SLC26A11: variants seen among roughly 807,000 people sequenced by gnomAD.
SLC26A11 encodes the protein solute carrier family 26 member 11, also known as sodium-independent sulfate anion transporter.
In SLC26A11, 58 loss-of-function variants were observed where a neutral mutation model predicts 62.2. That is an observed-to-expected ratio of 0.93 (90% CI 0.76 to 1.16). The LOEUF is 1.16. SLC26A11 is among the 50% of genes most tolerant of loss of function. SLC26A11 has a pLI of 0.00. For missense variants in SLC26A11, 790 were observed against 794.3 expected, an observed-to-expected ratio of 0.99 and a Z score of 0.06; for synonymous variants, 411 against 368.9, an observed-to-expected ratio of 1.11 and a Z score of -1.31.
At position 80,222,102 on chromosome 17, in the gene SLC26A11, T is replaced by C. The variant is rs2042228193; in HGVS notation, c.234+308T>C. 5 of 328,602 alleles carry C rather than the reference T, an allele frequency of 1.5e-5. No individual in the cohort carries two copies. In the Admixed American group the frequency reaches 2.4e-4, roughly 16 times the overall value. The allele number at this position is 328,602 out of a possible 1,614,324, so 20.4% of individuals were successfully genotyped here. On this transcript the variant is annotated intron_variant, in intron 3 of 17. Transcript: ENST00000361193. The surrounding 1 kb of genome is among the most constrained non-coding windows in gnomAD (Gnocchi z 4.7). ...CTAAAAATACAAAAATTAGGCTGGG[T>C]GCGGTGGCTCAAGCCTGTAATCCCA...
intron 6 of SLC26A11, 62 bp downstream of exon 6, chr17:80,225,978 G>C (rs11150850): frequency 4.7e-6 from 7 of 1,483,636 alleles, no homozygotes; most frequent in Non-Finnish European, 6.6e-6. Context: ...CTCCTCTCCC[G>C]GCCCCCACCT....
At chr17:80,224,270 T>C (rs12940793) in intron 5 of SLC26A11, among the ~76,000 whole-genome samples, 2 of 118,570 alleles carry the variant, frequency 1.7e-5, no homozygotes, top group Non-Finnish European at 3.6e-5. Context: ...TGTGCGTGTG[T>C]GAGTGAGTGC....
Position 80,248,663 on chromosome 17 carries a change from G to C in SLC26A11, c.1511G>C (p.Arg504Pro), listed in dbSNP as rs772867549. Reference sequence around the variant, plus strand: ...GCTCTGCGGGAGGAGATCCTAAGCCGGGCCCTGGAAGGTGCATGGGCGGGG... The same window carrying C: ...GCTCTGCGGGAGGAGATCCTAAGCCCGGCCCTGGAAGGTGCATGGGCGGGG... ...MEALREEILS[R>P]ALEVSPPRCL... is the part of the protein sequence containing the mutation. The change falls in exon 15 of 18, where the codon CGG becomes CCG. Residue 504 changes from arginine to proline, a missense_variant. Arg to Pro is a moderately radical substitution (Grantham distance 103, BLOSUM62 -2). Coordinates refer to ENST00000361193, the MANE Select transcript of SLC26A11 (RefSeq NM_001166347.2). 1.9e-6 allele frequency: 3 copies of C among 1,572,648 alleles called. No homozygotes were observed. Among genetic ancestry groups the C allele is most frequent in the Non-Finnish European group, 2.6e-6 (3 of 1,158,986 alleles).
intron 7 of SLC26A11, among the ~76,000 whole-genome samples, chr17:80,234,051 C>T (rs542568922): frequency 9.2e-5 from 14 of 152,142 alleles, no homozygotes; most frequent in African/African-American, 3.1e-4. Flanking sequence ...GTCACCCAGG[C>T]TGGAGTGCAG....
In SLC26A11 at chr17:80,248,665, G is replaced by A. The variant is rs767917670; in HGVS notation, c.1513G>A (p.Ala505Thr). ...TCTGCGGGAGGAGATCCTAAGCCGGGCCCTGGAAGGTGCATGGGCGGGGGT... is the reference window on the plus strand; with the variant it reads ...TCTGCGGGAGGAGATCCTAAGCCGGACCCTGGAAGGTGCATGGGCGGGGGT... ...EALREEILSRALEVSPPRCLV... is the reference protein window; with the variant it reads ...EALREEILSRTLEVSPPRCLV... Residue 505 changes from alanine to threonine, a missense_variant, in exon 15 of 18, where the codon GCC becomes ACC. Coordinates refer to ENST00000361193, the MANE Select transcript of SLC26A11 (RefSeq NM_001166347.2). The A allele has an allele frequency of 1.9e-6, 3 of 1,571,330 alleles. No homozygotes were observed. The highest frequency in any genetic ancestry group is 2.7e-5 in the African/African-American group (2 of 74,034).
rs199760680 is a variant in SLC26A11, at chr17:80,237,038, G to A, written c.847G>A (p.Val283Ile). 111 of 1,614,122 alleles carry A rather than the reference G, an allele frequency of 6.9e-5. No individual in the cohort carries two copies. Among genetic ancestry groups the A allele is most frequent in the Non-Finnish European group, 8.3e-5 (98 of 1,180,000 alleles). ...TGETAEGLPP[V>I]RIPPFSVTTA... Reference sequence around the variant, plus strand: ...GGAGACAGCTGAGGGGCTCCCTCCAGTCCGGATCCCGCCCTTCTCAGTGAC... The same window carrying A: ...GGAGACAGCTGAGGGGCTCCCTCCAATCCGGATCCCGCCCTTCTCAGTGAC... The change falls in exon 8 of 18, where the codon GTC becomes ATC. Residue 283 changes from valine to isoleucine, a missense_variant. Physicochemically the swap from Val to Ile is conservative, Grantham distance 29 (BLOSUM62 3). Transcript: ENST00000361193.
In SLC26A11 at chr17:80,237,503, T is replaced by A. The variant is rs773654024; in HGVS notation, c.913-19T>A. 4 of 1,603,070 alleles carry A rather than the reference T, an allele frequency of 2.5e-6. No homozygotes were observed. Among genetic ancestry groups the A allele is most frequent in the African/African-American group, 1.3e-5 (1 of 74,802 alleles). Reference sequence around the variant, plus strand: ...TACCCCTTAGGAAGGTCACTCACCATCCCTCTCTCCTCTCTCAGGACATGG... The same window carrying A: ...TACCCCTTAGGAAGGTCACTCACCAACCCTCTCTCCTCTCTCAGGACATGG... On this transcript the variant is annotated intron_variant, in intron 8 of 17. Transcript: ENST00000361193.
Position 80,241,761 on chromosome 17 carries a change from T to C in SLC26A11, c.986-10T>C. On this transcript the variant is annotated splice_polypyrimidine_tract_variant and intron_variant, in intron 9 of 17. Transcript: ENST00000361193. ...TTACTGACCAGGTCTTTACCGTTGGTTCCCTTTAGCATCTCAGAATAATTA... is the reference window on the plus strand; with the variant it reads ...TTACTGACCAGGTCTTTACCGTTGGCTCCCTTTAGCATCTCAGAATAATTA... 6.2e-7 allele frequency: 1 copy of C among 1,614,176 alleles called. No individual in the cohort carries two copies. The highest frequency in any genetic ancestry group is 8.5e-7 in the Non-Finnish European group (1 of 1,179,996).
chr17:80,227,806 G>C lies in SLC26A11; in HGVS notation c.594-12G>C. On this transcript the variant is annotated splice_polypyrimidine_tract_variant and intron_variant, in intron 6 of 17. Coordinates refer to ENST00000361193, the MANE Select transcript of SLC26A11 (RefSeq NM_001166347.2). Reference sequence around the variant, plus strand: ...CGAGCTGGGTGGTGACCAGTCCTCTGCCTGTCCACAGGGTAGGTGACGCCG... The same window carrying C: ...CGAGCTGGGTGGTGACCAGTCCTCTCCCTGTCCACAGGGTAGGTGACGCCG... 1.2e-6 allele frequency: 2 copies of C among 1,603,576 alleles called. No individual in the cohort carries two copies. Among genetic ancestry groups the C allele is most frequent in the South Asian group, 2.2e-5 (2 of 91,076 alleles).
intron 15 of SLC26A11, among the ~76,000 whole-genome samples, chr17:80,248,922 T>C (rs2043085603): frequency 6.6e-6 from 1 of 152,108 alleles, no homozygotes; most frequent in East Asian, 1.9e-4. Flanking sequence ...GGGGGTTGAT[T>C]TTAGGGGAGC....
At chr17:80,237,471 TG>T in intron 8 of SLC26A11, 50 bp from the exon 9 acceptor site, 1 of 1,546,096 alleles carries the variant, frequency 6.5e-7, no homozygotes, top group Admixed American at 1.9e-5. Flanking sequence ...GGGTCACTGC[TG>T]GGTCCTACCC....
rs912666288 is a variant in SLC26A11 at position 80,228,175 on chromosome 17, C to A, written c.736+215C>A. Among the ~76,000 whole-genome samples the A allele has an allele frequency of 3.3e-5, 5 of 152,150 alleles. No individual in the cohort carries two copies. Among genetic ancestry groups the A allele is most frequent in the African/African-American group, 1.2e-4 (5 of 41,428 alleles). Reference sequence around the variant, plus strand: ...TGAGACAGAGTTTCGCTCTGTCGCCCAGGCTGGAGTACAGTGGTGTGATAT... The same window carrying A: ...TGAGACAGAGTTTCGCTCTGTCGCCAAGGCTGGAGTACAGTGGTGTGATAT... On this transcript the variant is annotated intron_variant, in intron 7 of 17. Transcript: ENST00000361193. The surrounding 1 kb of genome is among the most constrained non-coding windows in gnomAD (Gnocchi z 4.1).
chr17:80,228,243 C>T lies in SLC26A11; in HGVS notation c.736+283C>T, dbSNP rs1343627759. On this transcript the variant is annotated intron_variant, in intron 7 of 17. Transcript: ENST00000361193. This position sits in a 1 kb window ranked among gnomAD's most constrained non-coding sequence, Gnocchi z 4.1. ...CGCCTCCCAGGTTCATGTGATTCTC[C>T]TGCCTCAGCCTCCTGAGTAGCTGGG... Among the ~76,000 whole-genome samples the T allele has an allele frequency of 6.6e-6, 1 of 152,188 alleles. No homozygotes were observed. The highest frequency in any genetic ancestry group is 2.4e-5 in the African/African-American group (1 of 41,436).
At chr17:80,232,899 A>G (rs1162558083) in intron 7 of SLC26A11, among the ~76,000 whole-genome samples, 1 of 152,146 alleles carries the variant, frequency 6.6e-6, no homozygotes, top group Non-Finnish European at 1.5e-5. Flanking sequence ...GGTTTGTGGT[A>G]AACATCTTTA....
chr17:80,245,224 C>T lies in SLC26A11; in HGVS notation c.1065C>T (p.Val355=). The T allele has an allele frequency of 6.2e-7, 1 of 1,613,998 alleles. No individual in the cohort carries two copies. The highest frequency in any genetic ancestry group is 8.5e-7 in the Non-Finnish European group (1 of 1,180,010). ...TCACCAACATGTTGGGCTCCCTCGT[C>T]TCCTCCTACCCGGTCACAGGCAGCT... The part of the protein sequence containing the change: ...IGLTNMLGSL[V]SSYPVTGSFG... Residue 355 remains valine, a synonymous_variant, in exon 11 of 18, where the codon GTC becomes GTT. Coordinates refer to ENST00000361193, the MANE Select transcript of SLC26A11 (RefSeq NM_001166347.2).
intron 2 of SLC26A11, 108 bp downstream of exon 2, chr17:80,221,223 G>T (rs2042170401): frequency 3.5e-6 from 1 of 287,760 alleles, no homozygotes; most frequent in Non-Finnish European, 6.4e-6. Flanking sequence ...GAAGTGTTGA[G>T]CCTAATTAGT....
intron 5 of SLC26A11, among the ~76,000 whole-genome samples, chr17:80,224,190 T>TGA (rs1181599639): frequency 7.0e-4 from 73 of 104,532 alleles, no homozygotes; most frequent in African/African-American, 2.9e-3. Flanking sequence ...AGAGTGTGTA[T>TGA]GAGTGTGTGT....
rs779841705 is a variant in SLC26A11, at chr17:80,248,635, G to A, written c.1483G>A (p.Glu495Lys). Residue 495 changes from glutamate to lysine, a missense_variant, in exon 15 of 18, where the codon GAG (glutamate) becomes AAG (lysine). Physicochemically the swap from Glu to Lys is moderately conservative, Grantham distance 56. Transcript: ENST00000361193. ...CAGCGGCCTGTCCTTCCCTGCCATG[G>A]AGGCTCTGCGGGAGGAGATCCTAAG... Reference protein sequence around the residue: ...PASGLSFPAMEALREEILSRA... With the variant: ...PASGLSFPAMKALREEILSRA... 16 of 1,585,340 alleles carry A rather than the reference G, an allele frequency of 1.0e-5. No homozygotes were observed. The highest frequency in any genetic ancestry group is 1.4e-5 in the Non-Finnish European group (16 of 1,165,990).
At chr17:80,251,774 A>C (rs1011684774) in intron 17 of SLC26A11, among the ~76,000 whole-genome samples, 4 of 151,764 alleles carry the variant, frequency 2.6e-5, no homozygotes, top group African/African-American at 9.7e-5. Flanking sequence ...AAAAAAAAAA[A>C]AACAAAAAAA....
Sources: allele counts gnomAD v4.1 joint callset (sites outside exome capture counted in the v4.1 genomes callset), GRCh38; gene constraint gnomAD v4.1.1; non-coding constraint Gnocchi (gnomAD v3.1); transcripts MANE v1.5; gene names NCBI Gene and HGNC (gene_info 2026-07-23, HGNC 2026-07-21).